Variants in CTBP2 observed in about 807,000 individuals in gnomAD.
CTBP2 encodes the protein C-terminal binding protein 2.
In CTBP2, 30 loss-of-function variants were observed where a neutral mutation model predicts 80.3. The observed-to-expected ratio is 0.37, with a 90% CI of 0.28 to 0.51. The LOEUF (loss-of-function observed/expected upper bound fraction) is 0.51. CTBP2 is among the 20% of genes least tolerant of loss of function. CTBP2 has a pLI of 0.93. For synonymous variants in CTBP2, 594 were observed against 587.4 expected (o/e 1.01, Z -0.16); for missense variants, 1,212 against 1,375.3 (o/e 0.88, Z 1.88).
intron 2 of CTBP2, among the ~76,000 whole-genome samples, chr10:125,056,122 G>T (rs575525849): frequency 6.6e-6 from 1 of 151,664 alleles, no homozygotes; most frequent in South Asian, 2.1e-4. Context: ...CCGAGATCAC[G>T]CCACTGCACT....
intron 1 of CTBP2, among the ~76,000 whole-genome samples, chr10:125,148,531 C>G (rs1859226550): frequency 6.6e-6 from 1 of 152,170 alleles, no homozygotes; most frequent in Non-Finnish European, 1.5e-5. Context: ...CTCTGAGGGG[C>G]CAAGTAACAT....
At chr10:125,157,423 G>T (rs896126316) in intron 1 of CTBP2, among the ~76,000 whole-genome samples, 1 of 151,268 alleles carries the variant, frequency 6.6e-6, no homozygotes, top group African/African-American at 2.4e-5. Flanking sequence ...GGGGGAGTCG[G>T]TATTCTTTAC....
At chr10:125,134,365 A>C (rs1190527280) in intron 1 of CTBP2, among the ~76,000 whole-genome samples, 1 of 152,186 alleles carries the variant, frequency 6.6e-6, no homozygotes, top group African/African-American at 2.4e-5. Flanking sequence ...AGCAGAGACA[A>C]CAGGGCAGGA....
At chr10:125,060,028 C>T (rs1002021287) in intron 2 of CTBP2, among the ~76,000 whole-genome samples, 3 of 152,182 alleles carry the variant, frequency 2.0e-5, no homozygotes, top group Non-Finnish European at 4.4e-5. Flanking sequence ...TCATCCTTCC[C>T]GGGGGCCAAA....
chr10:125,055,538 T>C (rs1002046883), intron 2 of CTBP2, among the ~76,000 whole-genome samples: 1 of 152,096 alleles, frequency 6.6e-6, no homozygotes, highest in East Asian at 1.9e-4. Flanking sequence ...AGGACCCCGA[T>C]GTACATCTCC....
chr10:125,027,184 C>T lies in CTBP2; in HGVS notation c.576G>A (p.Glu192=), dbSNP rs776978065. 3.1e-6 allele frequency: 5 copies of T among 1,607,566 alleles called. No homozygotes were observed. The South Asian group carries it at 4.4e-5, about 14-fold the overall frequency. Residue 192 remains glutamate (E), a synonymous_variant, in exon 1 of 9, where the codon GAG becomes GAA. Coordinates refer to ENST00000309035, the MANE Select transcript of CTBP2 (RefSeq NM_022802.3). ...CCGCCCCATACCTGGTGTCGGGCTG[C>T]TCCCGTCCATACCGCCCGGGAGATG...
intron 2 of CTBP2, among the ~76,000 whole-genome samples, chr10:125,073,392 C>T (rs572989114): frequency 6.4e-4 from 98 of 152,288 alleles, no homozygotes; most frequent in Non-Finnish European, 1.1e-3. Context: ...TACAAGCGTG[C>T]ACCACCACAC....
intron 1 of CTBP2, among the ~76,000 whole-genome samples, chr10:125,005,108 C>G (rs1469482069): frequency 1.3e-5 from 2 of 152,256 alleles, no homozygotes; most frequent in African/African-American, 4.8e-5. Flanking sequence ...TAAGACTATA[C>G]ACGGTGCTGG....
Position 124,984,806 on chromosome 10 carries a change from C to T in CTBP2, c.*4712G>A, listed in dbSNP as rs766952913. The T allele has an allele frequency of 1.1e-5, 17 of 1,613,872 alleles. No individual in the cohort carries two copies. Among genetic ancestry groups the T allele is most frequent in the South Asian group, 2.2e-5 (2 of 91,052 alleles). On this transcript the variant is annotated 3_prime_UTR_variant, in exon 9 of 9. Coordinates refer to ENST00000309035, the MANE Select transcript of CTBP2 (RefSeq NM_022802.3). ...ATGAGGAACAGCAAGAAAAACTGCT[C>T]AGGGAGTGGCTGGACTGCTGTGTGA...
chr10:125,044,072 C>A (rs907943848), intron 2 of CTBP2, among the ~76,000 whole-genome samples: 1 of 152,166 alleles, frequency 6.6e-6, no homozygotes. Flanking sequence ...GAGGTTGAGG[C>A]GATCCAATGC....
chr10:125,098,730 GAGAGAGAGAGAGAGAGAGAC>G (rs1850078778), intron 2 of CTBP2, among the ~76,000 whole-genome samples: 11 of 126,784 alleles, frequency 8.7e-5, no homozygotes, highest in African/African-American at 2.9e-4. Context: ...GAGACAGAGA[GAGAGAGAGAGAGAGAGAGAC>G]AGAGAGAGAG....
intron 2 of CTBP2, among the ~76,000 whole-genome samples, chr10:125,051,644 T>C (rs925696485): frequency 2.3e-5 from 3 of 130,890 alleles, no homozygotes; most frequent in African/African-American, 6.1e-5. Flanking sequence ...TGTCTCAAAA[T>C]AGAAACCAAC....
At chr10:125,153,918 C>A (rs1860462436) in intron 1 of CTBP2, among the ~76,000 whole-genome samples, 1 of 152,196 alleles carries the variant, frequency 6.6e-6, no homozygotes, top group African/African-American at 2.4e-5. Context: ...CTGGACTTTA[C>A]AAGCCCTGAG....
chr10:124,992,368 G>T (rs1340725037), intron 8 of CTBP2, among the ~76,000 whole-genome samples: 1 of 152,006 alleles, frequency 6.6e-6, no homozygotes, highest in Non-Finnish European at 1.5e-5. Context: ...CCTAGCAGCT[G>T]AGACTGCAGG....
At chr10:125,028,424 C>T (rs1428042089), upstream of CTBP2, among the ~76,000 whole-genome samples, 1 of 152,216 alleles carries the variant, frequency 6.6e-6, no homozygotes, top group Non-Finnish European at 1.5e-5. Context: ...ACAAATTAAA[C>T]ATGGATAAAC....
rs566723392 is a variant in CTBP2, at chr10:125,046,508, A to G, written c.-101-7353T>C. The stretch of plus-strand genomic sequence containing the variant: ...AGCTGAGATCCCGCCACTGCACTCC[A>G]GCCTGAGTGACAGAGTGAGACTCTA... On this transcript the variant is annotated intron_variant, in intron 2 of 10. Transcript: ENST00000337195. Among the ~76,000 whole-genome samples, 27 of 145,924 alleles carry G rather than the reference A, an allele frequency of 1.9e-4. 1 individual carries two copies. The South Asian group carries it at 5.6e-3, about 30-fold the overall frequency.
At chr10:125,076,102 C>T (rs143964408) in intron 2 of CTBP2, among the ~76,000 whole-genome samples, 279 of 152,314 alleles carry the variant, frequency 1.8e-3, no homozygotes, top group Non-Finnish European at 3.2e-3. Context: ...CTACTCCCTC[C>T]CTCCCTCCCA....
intron 3 of CTBP2, among the ~76,000 whole-genome samples, chr10:125,036,209 G>A (rs1048251230): frequency 6.6e-6 from 1 of 152,154 alleles, no homozygotes; most frequent in Admixed American, 6.5e-5. Flanking sequence ...CAAAGAGGAA[G>A]GGGCTGGACA....
intron 1 of CTBP2, among the ~76,000 whole-genome samples, chr10:125,155,922 T>TTTCA (rs1346989637): frequency 7.2e-5 from 11 of 152,174 alleles, no homozygotes; most frequent in African/African-American, 2.7e-4. Flanking sequence ...CATTCCAGCA[T>TTTCA]TTCATGTGCC....
Sources: allele counts gnomAD v4.1 joint callset (sites outside exome capture counted in the v4.1 genomes callset), GRCh38; gene constraint gnomAD v4.1.1; transcripts MANE v1.5; gene names NCBI Gene and HGNC (gene_info 2026-07-23, HGNC 2026-07-21).